Variants in CTNND2 observed in about 807,000 individuals in gnomAD.
The protein encoded by CTNND2 is catenin delta 2, also known as catenin delta-2.
In CTNND2, 22 loss-of-function variants were observed where a neutral mutation model predicts 144.4. The ratio of observed to expected loss-of-function variants is 0.15; its 90% CI spans 0.11 to 0.22. CTNND2 has a LOEUF of 0.22. Among genes scored for constraint, CTNND2 ranks in the 10% least tolerant of loss-of-function variants. CTNND2 has a pLI of 1.00. For missense variants in CTNND2, 1,353 were observed against 1,618.8 expected (o/e 0.84, Z 2.82); for synonymous variants, 751 against 695.6 (o/e 1.08, Z -1.25).
At chr5:11,719,510 G>C (rs1465526021) in intron 2 of CTNND2, among the ~76,000 whole-genome samples, 1 of 152,086 alleles carries the variant, frequency 6.6e-6, no homozygotes, top group Non-Finnish European at 1.5e-5. Flanking sequence ...TATTTACAAA[G>C]TATGGATATC....
At chr5:11,127,259 G>A (rs1754769725) in intron 12 of CTNND2, among the ~76,000 whole-genome samples, 1 of 152,220 alleles carries the variant, frequency 6.6e-6, no homozygotes. Context: ...TGTGCTAAGT[G>A]CTTCCTGAGA....
chr5:11,245,616 C>T (rs1742919713), intron 9 of CTNND2, among the ~76,000 whole-genome samples: 1 of 152,180 alleles, frequency 6.6e-6, no homozygotes. Flanking sequence ...CCTGGCAGTA[C>T]AGACACCTTG....
At chr5:11,717,448 G>T (rs1006068555) in intron 2 of CTNND2, among the ~76,000 whole-genome samples, 1 of 151,366 alleles carries the variant, frequency 6.6e-6, no homozygotes. Context: ...ATGGTGGCAG[G>T]CACCTGTAAT....
chr5:11,105,533 C>A lies in CTNND2; in HGVS notation c.2463+5325G>T, dbSNP rs146551941. ...TGTGACCAGTGCCGAAGCCGAGAGG[C>A]CCTGGTGAAGTTGTAAAAGACAGTA... On this transcript the variant is annotated intron_variant, in intron 14 of 21. Transcript: ENST00000304623. 1.2e-3 allele frequency among the ~76,000 whole-genome samples: 160 copies of A among 135,090 alleles called. 1 individual carries two copies. The highest frequency in any genetic ancestry group is 4.2e-3 in the African/African-American group (150 of 35,642). The allele number at this position is 135,090 out of a possible 152,430, so 88.6% of individuals were successfully genotyped here.
At chr5:11,517,208 T>C (rs32624) in intron 3 of CTNND2, among the ~76,000 whole-genome samples, 66,174 of 152,048 alleles carry the variant, frequency 0.44, 15,152 homozygotes, top group South Asian at 0.55. Flanking sequence ...ATCTCTTAAA[T>C]CACTGGCTTA....
At chr5:11,312,820 C>T (rs930955227) in intron 9 of CTNND2, among the ~76,000 whole-genome samples, 14 of 152,202 alleles carry the variant, frequency 9.2e-5, no homozygotes, top group Non-Finnish European at 1.9e-4. Context: ...GACAACTTGT[C>T]CTTTTCACAT....
intron 1 of CTNND2, among the ~76,000 whole-genome samples, chr5:11,769,774 A>G (rs1393259374): frequency 1.3e-5 from 2 of 152,214 alleles, no homozygotes; most frequent in African/African-American, 4.8e-5. Flanking sequence ...GTGATTAATA[A>G]TTATATTTTC....
intron 1 of CTNND2, among the ~76,000 whole-genome samples, chr5:11,798,259 CAAAAA>C (rs78238644): frequency 1.7e-5 from 1 of 60,462 alleles, no homozygotes; most frequent in Non-Finnish European, 3.5e-5. Flanking sequence ...GAGACTGTTT[CAAAAA>C]AAAAAAAAAA....
At chr5:11,547,994 T>C (rs1019112401) in intron 3 of CTNND2, among the ~76,000 whole-genome samples, 1 of 152,014 alleles carries the variant, frequency 6.6e-6, no homozygotes, top group Non-Finnish European at 1.5e-5. Context: ...GCAAATGTTC[T>C]CAGGAGAAAG....
chr5:11,703,405 T>C (rs1426805941), intron 2 of CTNND2, among the ~76,000 whole-genome samples: 4 of 152,192 alleles, frequency 2.6e-5, no homozygotes, highest in Non-Finnish European at 2.9e-5. Context: ...ACCTGAATTA[T>C]GTTGTTTACT....
At chr5:11,857,856 C>T (rs1582015633) in intron 1 of CTNND2, among the ~76,000 whole-genome samples, 1 of 152,298 alleles carries the variant, frequency 6.6e-6, no homozygotes, top group Non-Finnish European at 1.5e-5. Flanking sequence ...ATTATGATTT[C>T]AACACGAACC....
At chr5:11,450,822 C>G (rs867540059) in intron 3 of CTNND2, among the ~76,000 whole-genome samples, 4 of 141,414 alleles carry the variant, frequency 2.8e-5, no homozygotes, top group Non-Finnish European at 6.1e-5. Flanking sequence ...CACTTGAACC[C>G]GGGAGGCGGA....
rs376221473 is a variant in CTNND2 at position 11,691,373 on chromosome 5, AAAAATAAAATAAAATAAAAT to A, written c.174+40743_174+40762del. On this transcript the variant is annotated intron_variant, in intron 2 of 21. Coordinates refer to ENST00000304623, the MANE Select transcript of CTNND2 (RefSeq NM_001332.4). ...GGCGACAGAGCGAGACTCTGTCTCA[AAAAATAAAATAAAATAAAAT>A]AAAATAAAATAAAATAAAATAAAAA... Among the ~76,000 whole-genome samples the A allele has an allele frequency of 6.8e-5, 10 of 146,224 alleles. No individual in the cohort carries two copies. In the South Asian group the frequency reaches 8.6e-4, roughly 13 times the overall value.
intron 3 of CTNND2, among the ~76,000 whole-genome samples, chr5:11,481,624 G>A (rs1273553572): frequency 1.3e-5 from 2 of 151,468 alleles, no homozygotes; most frequent in African/African-American, 4.9e-5. Flanking sequence ...AGGGAGAGAC[G>A]GAGAGAGAGA....
At chr5:11,368,625 T>C (rs148620573) in intron 7 of CTNND2, among the ~76,000 whole-genome samples, 1 of 152,176 alleles carries the variant, frequency 6.6e-6, no homozygotes, top group Admixed American at 6.5e-5. Flanking sequence ...ATTCTACACA[T>C]GAAAGGTGGC....
intron 9 of CTNND2, among the ~76,000 whole-genome samples, chr5:11,301,309 G>A (rs961285984): frequency 5.3e-5 from 8 of 151,990 alleles, no homozygotes; most frequent in South Asian, 2.1e-4. Context: ...GAGCCACCGC[G>A]CCCGGCCCCC....
chr5:11,450,665 C>T (rs1029488030), intron 3 of CTNND2, among the ~76,000 whole-genome samples: 3 of 151,790 alleles, frequency 2.0e-5, no homozygotes, highest in Non-Finnish European at 4.4e-5. Context: ...TTTGGGAGGC[C>T]GAGGCGGGTG....
At chr5:11,527,708 A>T (rs377276375) in intron 3 of CTNND2, among the ~76,000 whole-genome samples, 2 of 152,244 alleles carry the variant, frequency 1.3e-5, no homozygotes, top group South Asian at 4.1e-4. Flanking sequence ...CTGTGTCATT[A>T]TATTTAATAT....
At chr5:11,453,934 T>C (rs964505547) in intron 3 of CTNND2, among the ~76,000 whole-genome samples, 35 of 152,330 alleles carry the variant, frequency 2.3e-4, no homozygotes, top group African/African-American at 7.2e-4. Flanking sequence ...TTGAAACTCA[T>C]TCTCTTATGG....
Sources: allele counts gnomAD v4.1 joint callset (sites outside exome capture counted in the v4.1 genomes callset), GRCh38; gene constraint gnomAD v4.1.1; transcripts MANE v1.5; gene names NCBI Gene and HGNC (gene_info 2026-07-23, HGNC 2026-07-21).